PLCB1: variants seen among roughly 807,000 people sequenced by gnomAD.
PLCB1 encodes phospholipase C beta 1, also known as 1-phosphatidylinositol 4,5-bisphosphate phosphodiesterase beta-1.
Under a neutral mutation model 161.8 loss-of-function variants are expected in PLCB1, and 46 were observed. The observed-to-expected ratio is 0.28, with a 90% CI of 0.22 to 0.36. PLCB1 has a LOEUF of 0.36. Among genes scored for constraint, PLCB1 ranks in the 10% least tolerant of loss-of-function variants. PLCB1 has a pLI of 1.00. For missense variants in PLCB1, 1,016 were observed against 1,472.5 expected (o/e 0.69, Z 5.07); for synonymous variants, 517 against 503.7 (o/e 1.03, Z -0.35).
chr20:8,429,042 G>C (rs907993684), intron 3 of PLCB1, among the ~76,000 whole-genome samples: 4 of 152,150 alleles, frequency 2.6e-5, no homozygotes, highest in African/African-American at 9.7e-5. Flanking sequence ...TCCCCAGAAA[G>C]AATGAGAGGA....
intron 31 of PLCB1, among the ~76,000 whole-genome samples, chr20:8,831,914 CTTTCTTTCTT>C (rs1037367713): frequency 2.9e-4 from 3 of 10,376 alleles, no homozygotes; most frequent in Admixed American, 1.2e-3. Flanking sequence ...CTTTCTTTCT[CTTTCTTTCTT>C]TCTTTCTTTC....
At chr20:8,540,111 C>A (rs529741315) in intron 3 of PLCB1, among the ~76,000 whole-genome samples, 1 of 152,058 alleles carries the variant, frequency 6.6e-6, no homozygotes, top group Admixed American at 6.6e-5. Flanking sequence ...ATCAATTTTT[C>A]AAGATGTTAA....
intron 10 of PLCB1, among the ~76,000 whole-genome samples, chr20:8,695,897 G>C (rs1365234748): frequency 6.6e-6 from 1 of 152,146 alleles, no homozygotes; most frequent in Non-Finnish European, 1.5e-5. Context: ...AGGAGCTTTT[G>C]GCTTCCATGC....
intron 3 of PLCB1, among the ~76,000 whole-genome samples, chr20:8,386,396 C>T (rs948243758): frequency 2.0e-5 from 3 of 152,160 alleles, no homozygotes; most frequent in African/African-American, 7.2e-5. Flanking sequence ...TCTTTTGTGG[C>T]CAGGTGCATT....
intron 2 of PLCB1, among the ~76,000 whole-genome samples, chr20:8,165,764 T>C (rs1294685734): frequency 1.3e-5 from 2 of 152,178 alleles, no homozygotes; most frequent in Non-Finnish European, 2.9e-5. Flanking sequence ...CCAATGACCT[T>C]TCAGTAGTTC....
chr20:8,632,328 A>G (rs1487801901), intron 4 of PLCB1, among the ~76,000 whole-genome samples: 1 of 152,094 alleles, frequency 6.6e-6, no homozygotes, highest in East Asian at 1.9e-4. Context: ...TTCTTCATCC[A>G]TAAAATGAAG....
intron 2 of PLCB1, among the ~76,000 whole-genome samples, chr20:8,342,953 C>T (rs139738267): frequency 1.4e-4 from 21 of 152,284 alleles, no homozygotes; most frequent in Admixed American, 3.3e-4. Context: ...TAAATCCCAT[C>T]CACATGGATA....
At chr20:8,592,061 T>A (rs1303453473) in intron 3 of PLCB1, among the ~76,000 whole-genome samples, 1 of 152,254 alleles carries the variant, frequency 6.6e-6, no homozygotes, top group African/African-American at 2.4e-5. Flanking sequence ...GGTAATTTTA[T>A]ACACTATTTT....
chr20:8,301,919 C>G (rs772534854), intron 2 of PLCB1, among the ~76,000 whole-genome samples: 13 of 152,242 alleles, frequency 8.5e-5, no homozygotes, highest in Non-Finnish European at 1.8e-4. Context: ...GTCTTGCCTT[C>G]ACCATTTGCT....
chr20:8,665,531 T>G (rs1223279173), intron 9 of PLCB1, among the ~76,000 whole-genome samples: 1 of 152,186 alleles, frequency 6.6e-6, no homozygotes, highest in Non-Finnish European at 1.5e-5. Context: ...TTAATGAAAC[T>G]TGAAAAAAAT....
intron 2 of PLCB1, among the ~76,000 whole-genome samples, chr20:8,367,153 A>G (rs1986735903): frequency 6.6e-6 from 1 of 152,208 alleles, no homozygotes; most frequent in Non-Finnish European, 1.5e-5. Flanking sequence ...ACACTTTTAC[A>G]TTCAGTAAGT....
At chr20:8,210,250 C>G (rs1298299595) in intron 2 of PLCB1, among the ~76,000 whole-genome samples, 1 of 151,928 alleles carries the variant, frequency 6.6e-6, no homozygotes, top group Non-Finnish European at 1.5e-5. Flanking sequence ...TTCTCTTTTT[C>G]TTTTTCATAA....
chr20:8,295,855 G>T (rs1983601581), intron 2 of PLCB1, among the ~76,000 whole-genome samples: 1 of 151,970 alleles, frequency 6.6e-6, no homozygotes, highest in Non-Finnish European at 1.5e-5. Context: ...GACTACAGTT[G>T]CACACCACCA....
chr20:8,429,213 T>C (rs1266953140), intron 3 of PLCB1, among the ~76,000 whole-genome samples: 1 of 152,248 alleles, frequency 6.6e-6, no homozygotes, highest in East Asian at 1.9e-4. Context: ...GGCTGACACA[T>C]GTACTTACTC....
chr20:8,345,685 G>A (rs1985977753), intron 2 of PLCB1, among the ~76,000 whole-genome samples: 1 of 152,192 alleles, frequency 6.6e-6, no homozygotes, highest in Non-Finnish European at 1.5e-5. Context: ...CGGGACTGGA[G>A]AAAGGGCAAG....
chr20:8,514,980 C>T (rs1001849824), intron 3 of PLCB1, among the ~76,000 whole-genome samples: 2 of 152,128 alleles, frequency 1.3e-5, no homozygotes, highest in African/African-American at 2.4e-5. Flanking sequence ...TACTGGCCTA[C>T]ACACTACTCT....
At chr20:8,529,531 T>C (rs1301576067) in intron 3 of PLCB1, among the ~76,000 whole-genome samples, 2 of 152,098 alleles carry the variant, frequency 1.3e-5, no homozygotes, top group Non-Finnish European at 2.9e-5. Flanking sequence ...AACTAGTTAC[T>C]GACAGATTTT....
In PLCB1 at chr20:8,226,874, A is replaced by C. The variant is rs55793547; in HGVS notation, c.177+76503A>C. On this transcript the variant is annotated intron_variant, in intron 2 of 31. Coordinates refer to ENST00000338037, the MANE Select transcript of PLCB1 (RefSeq NM_015192.4). Reference sequence around the variant, plus strand: ...GGCTAATTTTTTGTATTTTTAGTAGAGACAGAGGTTCACCATCTTGGCCAG... The same window carrying C: ...GGCTAATTTTTTGTATTTTTAGTAGCGACAGAGGTTCACCATCTTGGCCAG... Among the ~76,000 whole-genome samples the C allele has an allele frequency of 6.7e-3, 1,013 of 152,058 alleles. 18 individuals carry two copies. Among genetic ancestry groups the C allele is most frequent in the African/African-American group, 0.023 (951 of 41,444 alleles).
intron 2 of PLCB1, among the ~76,000 whole-genome samples, chr20:8,169,151 G>A (rs1367129884): frequency 2.6e-5 from 4 of 152,114 alleles, no homozygotes; most frequent in Non-Finnish European, 5.9e-5. Flanking sequence ...CCTAGTGAAT[G>A]TATATTGGGT....
Sources: allele counts gnomAD v4.1 joint callset (sites outside exome capture counted in the v4.1 genomes callset), GRCh38; gene constraint gnomAD v4.1.1; transcripts MANE v1.5; gene names NCBI Gene and HGNC (gene_info 2026-07-23, HGNC 2026-07-21).